Variants in ABHD16A observed in about 807,000 individuals in gnomAD.
The protein encoded by ABHD16A is phosphatidylserine lipase ABHD16A.
A neutral mutation model predicts 89.8 loss-of-function variants in ABHD16A; 47 were observed. The ratio of observed to expected loss-of-function variants is 0.52; its 90% CI spans 0.41 to 0.67. The LOEUF (loss-of-function observed/expected upper bound fraction) is 0.67. ABHD16A is among the 30% of genes least tolerant of loss of function. The probability of loss-of-function intolerance (pLI) is 0.00; values close to 1 mark genes in which losing one functional copy is unlikely to be tolerated. For missense variants in ABHD16A, 580 were observed against 734.6 expected, an observed-to-expected ratio of 0.79 and a Z score of 2.43; for synonymous variants, 251 against 280.4, an observed-to-expected ratio of 0.90 and a Z score of 1.05.
chr6:31,693,327 G>T lies in ABHD16A; in HGVS notation c.503+32C>A, dbSNP rs1198306566. 6.2e-7 allele frequency: 1 copy of T among 1,611,738 alleles called. No homozygotes were observed. Among genetic ancestry groups the T allele is most frequent in the South Asian group, 1.1e-5 (1 of 91,026 alleles). On this transcript the variant is annotated intron_variant, in intron 6 of 19. Coordinates refer to ENST00000395952, the MANE Select transcript of ABHD16A (RefSeq NM_021160.3). The surrounding 1 kb of genome is among the most constrained non-coding windows in gnomAD (Gnocchi z 5.0). ...GAGATTTTCTGGAATGGTTCTAAGGGGAGAGATACAGCAAAAGAACTGGGG... is the reference window on the plus strand; with the variant it reads ...GAGATTTTCTGGAATGGTTCTAAGGTGAGAGATACAGCAAAAGAACTGGGG...
chr6:31,687,512 G>C lies in ABHD16A; in HGVS notation c.1579C>G (p.Leu527Val). 6.2e-7 allele frequency: 1 copy of C among 1,613,048 alleles called. No homozygotes were observed. The highest frequency in any genetic ancestry group is 1.1e-5 in the South Asian group (1 of 91,072). Reference sequence around the variant, plus strand: ...CCTTAGCTCACCAGAAACAAAGCCAGCTGCCGCCGTCCATCTGCACTCATG... The same window carrying C: ...CCTTAGCTCACCAGAAACAAAGCCACCTGCCGCCGTCCATCTGCACTCATG... Reference protein sequence around the residue: ...EDMSADGRRQLALFLARKHLH... With the variant: ...EDMSADGRRQVALFLARKHLH... Residue 527 changes from leucine (L) to valine (V), a missense_variant, in exon 19 of 20, where the codon CTG becomes GTG. This residue lies in a region of ABHD16A where 415 missense variants were observed against 568.8 expected (regional missense o/e 0.73). Coordinates refer to ENST00000395952, the MANE Select transcript of ABHD16A (RefSeq NM_021160.3). This position sits in a 1 kb window ranked among gnomAD's most constrained non-coding sequence, Gnocchi z 6.3.
At chr6:31,692,889 G>T (rs754904711) in intron 7 of ABHD16A, 138 bp downstream of exon 7, 7 of 1,185,062 alleles carry the variant, frequency 5.9e-6, no homozygotes, top group Non-Finnish European at 8.6e-6. Flanking sequence ...AAATGACTTT[G>T]CCATAAATGA....
rs1470666201 is a variant in ABHD16A, at chr6:31,698,891, T to C, written c.344-1858A>G. ...AGCATCGCCCATCACCTGGTTGTCA[T>C]CTTATGTACCCACTAGGGGTAGGTG... On this transcript the variant is annotated intron_variant, in intron 4 of 19. Coordinates refer to ENST00000395952, the MANE Select transcript of ABHD16A (RefSeq NM_021160.3). This position sits in a 1 kb window ranked among gnomAD's most constrained non-coding sequence, Gnocchi z 4.1. Among the ~76,000 whole-genome samples the C allele has an allele frequency of 6.6e-6, 1 of 152,166 alleles. No homozygotes were observed. The highest frequency in any genetic ancestry group is 1.5e-5 in the Non-Finnish European group (1 of 68,042).
rs766752943 is a variant in ABHD16A, at chr6:31,688,014, C to T, written c.1370+27G>A. The T allele has an allele frequency of 6.2e-7, 1 of 1,611,422 alleles. No individual in the cohort carries two copies. Among genetic ancestry groups the T allele is most frequent in the Admixed American group, 1.7e-5 (1 of 59,936 alleles). Reference sequence around the variant, plus strand: ...CAGTATCTGTGTGTGTACACTGCCCCCAGCGCGCACACACCCTGGCTCTCA... The same window carrying T: ...CAGTATCTGTGTGTGTACACTGCCCTCAGCGCGCACACACCCTGGCTCTCA... On this transcript the variant is annotated intron_variant, in intron 16 of 19. Coordinates refer to ENST00000395952, the MANE Select transcript of ABHD16A (RefSeq NM_021160.3). The surrounding 1 kb of genome is among the most constrained non-coding windows in gnomAD (Gnocchi z 4.9).
rs528711432 is a variant in ABHD16A, at chr6:31,690,321, G to A, written c.908-194C>T. ...TGTGATTGTGTGGGGTGTGTGGTGG[G>A]GGAATGGAACAGAATGAAAAGCATA... On this transcript the variant is annotated intron_variant, in intron 10 of 19. Coordinates refer to ENST00000395952, the MANE Select transcript of ABHD16A (RefSeq NM_021160.3). The surrounding 1 kb of genome is among the most constrained non-coding windows in gnomAD (Gnocchi z 4.1). The A allele has an allele frequency of 1.5e-6, 1 of 678,838 alleles. No individual in the cohort carries two copies. Among genetic ancestry groups the A allele is most frequent in the South Asian group, 1.9e-5 (1 of 53,116 alleles). The allele number at this position is 678,838 out of a possible 1,614,324, so 42.1% of individuals were successfully genotyped here.
rs893517934 is a variant in ABHD16A at position 31,693,444 on chromosome 6, A to G, written c.430-12T>C. Reference sequence around the variant, plus strand: ...TTGGCAAGCTGCCTCTGCAGTGGGCACGAGAGGCAAAGGGGTACTGAGAAC... The same window carrying G: ...TTGGCAAGCTGCCTCTGCAGTGGGCGCGAGAGGCAAAGGGGTACTGAGAAC... On this transcript the variant is annotated splice_polypyrimidine_tract_variant and intron_variant, in intron 5 of 19. Coordinates refer to ENST00000395952, the MANE Select transcript of ABHD16A (RefSeq NM_021160.3). This position sits in a 1 kb window ranked among gnomAD's most constrained non-coding sequence, Gnocchi z 5.0. 1.2e-6 allele frequency: 2 copies of G among 1,612,664 alleles called. No individual in the cohort carries two copies. Among genetic ancestry groups the G allele is most frequent in the Non-Finnish European group, 1.7e-6 (2 of 1,179,930 alleles).
At chr6:31,703,097 C>A (rs993229568) in intron 1 of ABHD16A, 53 bp downstream of exon 1, 12 of 1,375,446 alleles carry the variant, frequency 8.7e-6, no homozygotes, top group Admixed American at 2.8e-5. Context: ...AGCAAAAGGC[C>A]GTAAAGGGTT....
At position 31,692,186 on chromosome 6, in the gene ABHD16A, G is replaced by C. The variant is rs537113393; in HGVS notation, c.627-268C>G. On this transcript the variant is annotated intron_variant, in intron 7 of 19. Transcript: ENST00000395952. ...ATGTACAGAATTCTGAGAGTTTTAT[G>C]ATGTAACTGTCTATACATAATAAGT... is the stretch of plus-strand genomic sequence containing the variant. 76 of 408,114 alleles carry C rather than the reference G, an allele frequency of 1.9e-4. 1 individual carries two copies. In the Middle Eastern group the frequency reaches 2.5e-3, roughly 13 times the overall value. The allele number at this position is 408,114 out of a possible 1,614,324, so 25.3% of individuals were successfully genotyped here. A position where few individuals can be genotyped will look rare whatever the true frequency, so the allele number is the denominator to read the frequency against.
Position 31,697,053 on chromosome 6 carries a change from A to C in ABHD16A, c.344-20T>G, listed in dbSNP as rs956168018. The stretch of plus-strand genomic sequence containing the variant: ...CAATGCCTGGTAGAAAAAGGACAGG[A>C]AACAGTGCTAGGAAAACTGGGAAGC... On this transcript the variant is annotated intron_variant, in intron 4 of 19. Transcript: ENST00000395952. 1 of 1,603,932 alleles carries C rather than the reference A, an allele frequency of 6.2e-7. No individual in the cohort carries two copies. Among genetic ancestry groups the C allele is most frequent in the Non-Finnish European group, 8.5e-7 (1 of 1,171,768 alleles).
In ABHD16A at chr6:31,693,531, A is replaced by C; in HGVS notation, c.430-99T>G. The C allele has an allele frequency of 8.6e-7, 1 of 1,168,700 alleles. No homozygotes were observed. Among genetic ancestry groups the C allele is most frequent in the Non-Finnish European group, 1.3e-6 (1 of 799,548 alleles). 72.4% of individuals were successfully genotyped at this position (1,168,700 alleles called of 1,614,324 possible). On this transcript the variant is annotated intron_variant, in intron 5 of 19. Coordinates refer to ENST00000395952, the MANE Select transcript of ABHD16A (RefSeq NM_021160.3). This position sits in a 1 kb window ranked among gnomAD's most constrained non-coding sequence, Gnocchi z 5.0. ...TTCGTTATCCAGGGGTCTGATCCCC[A>C]CACATCATGGGGAAACCAAGCGGAG...
In ABHD16A at chr6:31,687,936, T is replaced by C. The variant is rs763973759; in HGVS notation, c.1371-36A>G. 1 of 1,612,462 alleles carries C rather than the reference T, an allele frequency of 6.2e-7. No individual in the cohort carries two copies. Among genetic ancestry groups the C allele is most frequent in the Non-Finnish European group, 8.5e-7 (1 of 1,179,948 alleles). The stretch of plus-strand genomic sequence containing the variant: ...AGTGCCAGGACAGGTCAGGGCTGAT[T>C]TTTTTTCATTCACCATCCCTGAACC... On this transcript the variant is annotated intron_variant, in intron 16 of 19. Coordinates refer to ENST00000395952, the MANE Select transcript of ABHD16A (RefSeq NM_021160.3). This position sits in a 1 kb window ranked among gnomAD's most constrained non-coding sequence, Gnocchi z 6.3.
In ABHD16A at chr6:31,692,885, C is replaced by G. The variant is rs1028576804; in HGVS notation, c.626+142G>C. On this transcript the variant is annotated intron_variant, in intron 7 of 19. Coordinates refer to ENST00000395952, the MANE Select transcript of ABHD16A (RefSeq NM_021160.3). ...CAAACATAAATATGGATAAAAATGA[C>G]TTTGCCATAAATGATCTACACAAAC... 28 of 1,156,142 alleles carry G rather than the reference C, an allele frequency of 2.4e-5. No individual in the cohort carries two copies. In the African/African-American group the frequency reaches 4.3e-4, roughly 18 times the overall value. The allele number at this position is 1,156,142 out of a possible 1,614,324, so 71.6% of individuals were successfully genotyped here.
chr6:31,689,257 C>A, intron 12 of ABHD16A, 138 bp from the exon 13 acceptor site: 1 of 840,482 alleles, frequency 1.2e-6, no homozygotes, highest in Non-Finnish European at 1.9e-6. Context: ...TAACCTACTT[C>A]ACTTGGTTAG....
In ABHD16A at chr6:31,690,174, CT is replaced by C; in HGVS notation, c.908-48del. ...GACTGAGACCTTGTGGCCCACAGCC[CT>C]TTCTCCATCCCTGGGGGAAGGAAGA... On this transcript the variant is annotated intron_variant, in intron 10 of 19. Coordinates refer to ENST00000395952, the MANE Select transcript of ABHD16A (RefSeq NM_021160.3). This position sits in a 1 kb window ranked among gnomAD's most constrained non-coding sequence, Gnocchi z 4.1. The C allele has an allele frequency of 6.6e-7, 1 of 1,513,212 alleles. No homozygotes were observed. The highest frequency in any genetic ancestry group is 8.9e-7 in the Non-Finnish European group (1 of 1,122,068). The allele number at this position is 1,513,212 out of a possible 1,614,324, so 93.7% of individuals were successfully genotyped here.
At chr6:31,702,647 G>A in intron 1 of ABHD16A, 1 of 1,527,456 alleles carries the variant, frequency 6.5e-7, no homozygotes, top group African/African-American at 1.4e-5. Context: ...CAATGACTCG[G>A]GTCTCCAGGC....
At position 31,688,839 on chromosome 6, in the gene ABHD16A, T is replaced by A. The variant is rs1165604888; in HGVS notation, c.1187-53A>T. 11 of 1,574,578 alleles carry A rather than the reference T, an allele frequency of 7.0e-6. No homozygotes were observed. Among genetic ancestry groups the A allele is most frequent in the Non-Finnish European group, 8.7e-7 (1 of 1,149,794 alleles). ...GCAGAGACAAAGCCCTTGCCCAACATAAAGGTCCTCACTATTCACGGAGAA... is the reference window on the plus strand; with the variant it reads ...GCAGAGACAAAGCCCTTGCCCAACAAAAAGGTCCTCACTATTCACGGAGAA... On this transcript the variant is annotated intron_variant, in intron 13 of 19. Coordinates refer to ENST00000395952, the MANE Select transcript of ABHD16A (RefSeq NM_021160.3). The surrounding 1 kb of genome is among the most constrained non-coding windows in gnomAD (Gnocchi z 4.9).
rs1443778501 is a variant in ABHD16A at position 31,693,824 on chromosome 6, A to C, written c.430-392T>G. ...GGTCCCTTATAGGGTGCTGTCTTAG[A>C]AGCTTAGAAATCTCCCAGCAGATCA... is the stretch of plus-strand genomic sequence containing the variant. On this transcript the variant is annotated intron_variant, in intron 5 of 19. Transcript: ENST00000395952. This position sits in a 1 kb window ranked among gnomAD's most constrained non-coding sequence, Gnocchi z 5.0. Among the ~76,000 whole-genome samples, 3 of 152,136 alleles carry C rather than the reference A, an allele frequency of 2.0e-5. No homozygotes were observed. The highest frequency in any genetic ancestry group is 4.1e-4 in the South Asian group (2 of 4,832).
At position 31,698,792 on chromosome 6, in the gene ABHD16A, G is replaced by A. The variant is rs868234920; in HGVS notation, c.344-1759C>T. 1.3e-5 allele frequency among the ~76,000 whole-genome samples: 2 copies of A among 152,190 alleles called. No homozygotes were observed. Among genetic ancestry groups the A allele is most frequent in the African/African-American group, 2.4e-5 (1 of 41,512 alleles). On this transcript the variant is annotated intron_variant, in intron 4 of 19. Coordinates refer to ENST00000395952, the MANE Select transcript of ABHD16A (RefSeq NM_021160.3). The surrounding 1 kb of genome is among the most constrained non-coding windows in gnomAD (Gnocchi z 4.1). ...AGCCCAGCCCTGCAGAGATCAGGGG[G>A]CAGAACACCTCAGGCAGAAGGTCCT...
At chr6:31,696,025 G>A (rs917261683) in intron 5 of ABHD16A, among the ~76,000 whole-genome samples, 6 of 151,924 alleles carry the variant, frequency 3.9e-5, no homozygotes, top group South Asian at 2.1e-4. Context: ...TTAGCCGGGC[G>A]TGGTGGCAGG....
Sources: gnomAD v4.1 joint callset for allele counts (sites outside exome capture counted in the v4.1 genomes callset) on GRCh38, gnomAD v4.1.1 for gene constraint, gnomAD v4.1.1 regional missense constraint, Gnocchi (gnomAD v3.1) non-coding constraint, MANE v1.5 for transcripts, NCBI Gene and HGNC (gene_info 2026-07-23, HGNC 2026-07-21) for gene names.